RAB11FIP4: variants seen among roughly 807,000 people sequenced by gnomAD.
RAB11FIP4 encodes the protein RAB11 family interacting protein 4.
In RAB11FIP4, 23 loss-of-function variants were observed where a neutral mutation model predicts 74.3. The observed-to-expected ratio is 0.31, with a 90% CI of 0.22 to 0.44. The LOEUF is 0.44. Among genes scored for constraint, RAB11FIP4 ranks in the 20% least tolerant of loss-of-function variants. The pLI is 1.00. For missense variants in RAB11FIP4, 630 were observed against 863.9 expected (o/e 0.73, Z 3.39); for synonymous variants, 360 against 359.9 (o/e 1.00, Z 0.00).
intron 3 of RAB11FIP4, among the ~76,000 whole-genome samples, chr17:31,488,876 G>C (rs936385999): frequency 1.3e-5 from 2 of 152,184 alleles, no homozygotes; most frequent in Non-Finnish European, 2.9e-5. Context: ...TTCTCTGTGC[G>C]GGCGACAAGT....
intron 1 of RAB11FIP4, among the ~76,000 whole-genome samples, chr17:31,421,109 ACTT>A (rs1447424201): frequency 6.6e-6 from 1 of 152,202 alleles, no homozygotes; most frequent in East Asian, 1.9e-4. Context: ...ACAAAAAGAT[ACTT>A]CATCTTTGAC....
intron 3 of RAB11FIP4, among the ~76,000 whole-genome samples, chr17:31,483,422 C>T (rs554575772): frequency 3.9e-5 from 6 of 152,254 alleles, no homozygotes; most frequent in African/African-American, 1.4e-4. Flanking sequence ...TGCCATTTCC[C>T]ACCTCTGGGG....
intron 3 of RAB11FIP4, among the ~76,000 whole-genome samples, chr17:31,478,387 A>G (rs2071815803): frequency 6.6e-6 from 1 of 152,112 alleles, no homozygotes; most frequent in South Asian, 2.1e-4. Flanking sequence ...TTCTCAGAAC[A>G]CTGATCCCTT....
intron 3 of RAB11FIP4, among the ~76,000 whole-genome samples, chr17:31,443,707 C>G (rs1192786063): frequency 1.3e-5 from 2 of 152,060 alleles, no homozygotes; most frequent in Non-Finnish European, 2.9e-5. Flanking sequence ...GCCAGGAGTT[C>G]AAGACCAGCT....
chr17:31,446,716 C>A (rs1311870829), intron 3 of RAB11FIP4, among the ~76,000 whole-genome samples: 1 of 152,160 alleles, frequency 6.6e-6, no homozygotes, highest in Non-Finnish European at 1.5e-5. Context: ...CTAAGATACA[C>A]TGGACGGTGC....
Position 31,517,958 on chromosome 17 carries a change from A to G in RAB11FIP4, c.563+81A>G, listed in dbSNP as rs2072592327. On this transcript the variant is annotated intron_variant, in intron 4 of 14. Transcript: ENST00000621161. Reference sequence around the variant, plus strand: ...TCTTGGAAAGTGTCTCCAGGAAGTAAATTTGAAACATGCTCAAAATTTGTA... The same window carrying G: ...TCTTGGAAAGTGTCTCCAGGAAGTAGATTTGAAACATGCTCAAAATTTGTA... The G allele has an allele frequency of 2.7e-6, 3 of 1,115,236 alleles. No homozygotes were observed. The Admixed American group carries it at 6.9e-5, about 25-fold the overall frequency. The allele number at this position is 1,115,236 out of a possible 1,614,324, so 69.1% of individuals were successfully genotyped here.
rs1249020751 is a variant in RAB11FIP4 at position 31,534,184 on chromosome 17, C to G, written c.*2452C>G. On this transcript the variant is annotated 3_prime_UTR_variant, in exon 15 of 15. Coordinates refer to ENST00000621161, the MANE Select transcript of RAB11FIP4 (RefSeq NM_032932.6). ...CCCTTACCCCTCAGTAGTGGGGCTG[C>G]GAGGTAGTAGACAGGATGCCCAGTT... 6.6e-6 allele frequency: 1 copy of G among 152,026 alleles called. No individual in the cohort carries two copies. Among genetic ancestry groups the G allele is most frequent in the South Asian group, 2.1e-4 (1 of 4,820 alleles). 9.4% of individuals were successfully genotyped at this position (152,026 alleles called of 1,614,324 possible). A position where few individuals can be genotyped will look rare whatever the true frequency, so the allele number is the denominator to read the frequency against.
intron 1 of RAB11FIP4, among the ~76,000 whole-genome samples, chr17:31,419,798 C>T (rs1475188870): frequency 6.6e-6 from 1 of 152,148 alleles, no homozygotes; most frequent in South Asian, 2.1e-4. Context: ...GATCCGCCCA[C>T]CTCAGCCTCC....
intron 3 of RAB11FIP4, among the ~76,000 whole-genome samples, chr17:31,503,875 A>G (rs1328443104): frequency 6.7e-6 from 1 of 149,720 alleles, no homozygotes; most frequent in Non-Finnish European, 1.5e-5. Flanking sequence ...GAATAAACCG[A>G]TCAAAAAATC....
At chr17:31,489,884 G>A (rs1476558396) in intron 3 of RAB11FIP4, among the ~76,000 whole-genome samples, 1 of 152,160 alleles carries the variant, frequency 6.6e-6, no homozygotes, top group Non-Finnish European at 1.5e-5. Context: ...ACTAAGGCCA[G>A]TAGAAGAGAT....
chr17:31,425,808 A>T (rs2071243546), intron 1 of RAB11FIP4, among the ~76,000 whole-genome samples: 1 of 151,940 alleles, frequency 6.6e-6, no homozygotes, highest in African/African-American at 2.4e-5. Context: ...CCAGAGGGGG[A>T]GCCCCAGGGC....
At chr17:31,454,062 T>C (rs1216170518) in intron 3 of RAB11FIP4, among the ~76,000 whole-genome samples, 1 of 145,484 alleles carries the variant, frequency 6.9e-6, no homozygotes, top group Admixed American at 6.8e-5. Flanking sequence ...CCCCTGGGCA[T>C]TCTCAAGAAT....
chr17:31,468,115 G>A (rs921596978), intron 3 of RAB11FIP4, among the ~76,000 whole-genome samples: 2 of 152,186 alleles, frequency 1.3e-5, no homozygotes, highest in Non-Finnish European at 1.5e-5. Context: ...TTTGGGTCAC[G>A]AGGGGTTGGG....
chr17:31,403,620 C>A (rs1231147069), intron 1 of RAB11FIP4, among the ~76,000 whole-genome samples: 1 of 152,196 alleles, frequency 6.6e-6, no homozygotes, highest in Non-Finnish European at 1.5e-5. Context: ...CCGCGCCCGG[C>A]CCTGCCTTTG....
At chr17:31,496,772 C>T (rs540369264) in intron 3 of RAB11FIP4, among the ~76,000 whole-genome samples, 1 of 152,320 alleles carries the variant, frequency 6.6e-6, no homozygotes, top group African/African-American at 2.4e-5. Flanking sequence ...GTTCTGGTAC[C>T]ATCAGCGTTG....
Position 31,533,289 on chromosome 17 carries a change from T to C in RAB11FIP4, c.*1557T>C, listed in dbSNP as rs2072903890. 1 of 152,250 alleles carries C rather than the reference T, an allele frequency of 6.6e-6. No individual in the cohort carries two copies. The highest frequency in any genetic ancestry group is 1.5e-5 in the Non-Finnish European group (1 of 68,104). The allele number at this position is 152,250 out of a possible 1,614,324, so 9.4% of individuals were successfully genotyped here. On this transcript the variant is annotated 3_prime_UTR_variant, in exon 15 of 15. Coordinates refer to ENST00000621161, the MANE Select transcript of RAB11FIP4 (RefSeq NM_032932.6). Reference sequence around the variant, plus strand: ...GCATTTGTTGGATCTCGTGGCTTCTTTTTAATCTTTTGTTGGGGATTAGTT... The same window carrying C: ...GCATTTGTTGGATCTCGTGGCTTCTCTTTAATCTTTTGTTGGGGATTAGTT...
chr17:31,446,471 C>G (rs910372117), intron 3 of RAB11FIP4, among the ~76,000 whole-genome samples: 1 of 152,098 alleles, frequency 6.6e-6, no homozygotes, highest in Non-Finnish European at 1.5e-5. Flanking sequence ...CATTGAACGT[C>G]TGTGCGATGG....
intron 3 of RAB11FIP4, among the ~76,000 whole-genome samples, chr17:31,457,711 G>C (rs2071592319): frequency 6.6e-6 from 1 of 151,648 alleles, no homozygotes; most frequent in Admixed American, 6.6e-5. Flanking sequence ...AGCCCCGCAG[G>C]TGGCCACACC....
intron 3 of RAB11FIP4, among the ~76,000 whole-genome samples, chr17:31,457,864 C>A (rs1452973035): frequency 6.6e-6 from 1 of 152,190 alleles, no homozygotes; most frequent in African/African-American, 2.4e-5. Flanking sequence ...CTTTTCCCCT[C>A]CCCGCTCTGT....
Sources: allele counts gnomAD v4.1 joint callset (sites outside exome capture counted in the v4.1 genomes callset), GRCh38; gene constraint gnomAD v4.1.1; transcripts MANE v1.5; gene names NCBI Gene and HGNC (gene_info 2026-07-23, HGNC 2026-07-21).